CTIF: variants seen among roughly 807,000 people sequenced by gnomAD.
CTIF encodes CBP80/20-dependent translation initiation factor.
In CTIF, 21 loss-of-function variants were observed where a neutral mutation model predicts 66.0. The observed-to-expected ratio is 0.32, with a 90% confidence interval of 0.23 to 0.46. The LOEUF (loss-of-function observed/expected upper bound fraction) is 0.46. Among genes scored for constraint, CTIF ranks in the 20% least tolerant of loss-of-function variants. The pLI is 1.00. For missense variants in CTIF, 739 were observed against 812.7 expected, an observed-to-expected ratio of 0.91 and a Z score of 1.10; for synonymous variants, 345 against 326.4, an observed-to-expected ratio of 1.06 and a Z score of -0.62.
chr18:48,729,563 G>A (rs760543844), intron 7 of CTIF, among the ~76,000 whole-genome samples: 1 of 152,186 alleles, frequency 6.6e-6, no homozygotes, highest in South Asian at 2.1e-4. Flanking sequence ...TGAGATCAGC[G>A]AGACTCAGAA....
chr18:48,746,570 G>A (rs909477983), intron 7 of CTIF, among the ~76,000 whole-genome samples: 4 of 151,786 alleles, frequency 2.6e-5, no homozygotes, highest in African/African-American at 9.7e-5. Context: ...GGAGGAGTCA[G>A]GAATTAGGTG....
In CTIF at chr18:48,740,557, G is replaced by C. The variant is rs2145739897; in HGVS notation, c.585-17362G>C. Among the ~76,000 whole-genome samples, 7 of 152,362 alleles carry C rather than the reference G, an allele frequency of 4.6e-5. No individual in the cohort carries two copies. In the Middle Eastern group the frequency reaches 0.024, roughly 518 times the overall value. ...GCTCTTAGCAGAATGGTCAGGGTGA[G>C]ACTGGTGTTCCTCAGTTTACTCTGG... On this transcript the variant is annotated intron_variant, in intron 7 of 11. Coordinates refer to ENST00000256413, the MANE Select transcript of CTIF (RefSeq NM_014772.3).
intron 7 of CTIF, among the ~76,000 whole-genome samples, chr18:48,744,277 C>T (rs970224273): frequency 6.6e-6 from 1 of 152,124 alleles, no homozygotes; most frequent in African/African-American, 2.4e-5. Flanking sequence ...AGCAGGACCC[C>T]CTTGTGTCAA....
intron 1 of CTIF, among the ~76,000 whole-genome samples, chr18:48,546,931 A>G (rs555112576): frequency 6.6e-6 from 1 of 152,324 alleles, no homozygotes; most frequent in South Asian, 2.1e-4. Context: ...CATGTGGTCC[A>G]GGAGGCCCTC....
chr18:48,727,298 C>G (rs2092394703), intron 7 of CTIF, among the ~76,000 whole-genome samples: 1 of 152,186 alleles, frequency 6.6e-6, no homozygotes, highest in East Asian at 1.9e-4. Context: ...ACAAGGCTGT[C>G]TCCGCCCTCT....
intron 10 of CTIF, among the ~76,000 whole-genome samples, chr18:48,821,920 G>T (rs370601374): frequency 1.2e-4 from 19 of 152,196 alleles, no homozygotes; most frequent in East Asian, 5.8e-4. Context: ...ATGTTGTGCA[G>T]ATCTCCAGAA....
At chr18:48,856,775 T>C (rs1009178857) in intron 10 of CTIF, among the ~76,000 whole-genome samples, 2 of 152,224 alleles carry the variant, frequency 1.3e-5, no homozygotes, top group Admixed American at 1.3e-4. Flanking sequence ...GAATGGCTGC[T>C]AGTGGGTATG....
chr18:48,693,957 T>G (rs150328701), intron 6 of CTIF, among the ~76,000 whole-genome samples: 4 of 152,222 alleles, frequency 2.6e-5, no homozygotes, highest in African/African-American at 9.6e-5. Context: ...CTAACTGCAG[T>G]TTATGCGTTG....
At chr18:48,820,469 A>G (rs1262800619) in intron 10 of CTIF, among the ~76,000 whole-genome samples, 3 of 151,846 alleles carry the variant, frequency 2.0e-5, no homozygotes, top group African/African-American at 7.3e-5. Flanking sequence ...CACAGCACCC[A>G]CTTTGCCCTG....
intron 6 of CTIF, among the ~76,000 whole-genome samples, chr18:48,679,918 G>C (rs2091710160): frequency 6.6e-6 from 1 of 152,172 alleles, no homozygotes; most frequent in African/African-American, 2.4e-5. Context: ...CAGGAGAAAA[G>C]GAGGCTGTTG....
At chr18:48,852,697 G>T (rs1355539157) in intron 10 of CTIF, among the ~76,000 whole-genome samples, 1 of 151,868 alleles carries the variant, frequency 6.6e-6, no homozygotes, top group East Asian at 1.9e-4. Context: ...TGTTGGGAGA[G>T]GTCCAGGTTA....
At chr18:48,696,137 C>T (rs1309655635) in intron 6 of CTIF, among the ~76,000 whole-genome samples, 4 of 152,242 alleles carry the variant, frequency 2.6e-5, no homozygotes, top group East Asian at 3.8e-4. Flanking sequence ...GCATCTGCAA[C>T]GTGTAAGATG....
intron 6 of CTIF, among the ~76,000 whole-genome samples, chr18:48,706,428 G>A (rs2092155316): frequency 6.6e-6 from 1 of 152,138 alleles, no homozygotes. Flanking sequence ...TGGTCACAGA[G>A]CCACCCGGCA....
At chr18:48,707,154 A>G (rs545691199) in intron 6 of CTIF, among the ~76,000 whole-genome samples, 2 of 152,350 alleles carry the variant, frequency 1.3e-5, no homozygotes, top group African/African-American at 4.8e-5. Flanking sequence ...TGATGTCTAC[A>G]TGGGGCCCTT....
At position 48,689,707 on chromosome 18, in the gene CTIF, T is replaced by G. The variant is rs2091898722; in HGVS notation, c.507+18963T>G. Among the ~76,000 whole-genome samples the G allele has an allele frequency of 2.0e-5, 3 of 152,284 alleles. No homozygotes were observed. The South Asian group carries it at 6.2e-4, about 32-fold the overall frequency. On this transcript the variant is annotated intron_variant, in intron 6 of 11. Transcript: ENST00000256413. ...CGCAGATGAGCTGAATTCTCAAGGT[T>G]GTTGTGAGTCAGAGGTCACTGTACA...
intron 9 of CTIF, among the ~76,000 whole-genome samples, chr18:48,812,933 T>C (rs1213233838): frequency 6.6e-6 from 1 of 152,166 alleles, no homozygotes; most frequent in African/African-American, 2.4e-5. Context: ...CTGTGTATTC[T>C]GGTATGCTTT....
intron 1 of CTIF, among the ~76,000 whole-genome samples, chr18:48,575,781 G>A (rs925418470): frequency 2.0e-5 from 3 of 152,212 alleles, no homozygotes; most frequent in Non-Finnish European, 2.9e-5. Flanking sequence ...GGCTGTGGCC[G>A]CAACCCCAAG....
In CTIF at chr18:48,707,943, G is replaced by A. The variant is rs570871605; in HGVS notation, c.508-3676G>A. On this transcript the variant is annotated intron_variant, in intron 6 of 11. Transcript: ENST00000256413. ...CTCTGCAGATATGCCTATTATGGAC[G>A]TTTCTTAAAAACTGAAATCATGCAC... Among the ~76,000 whole-genome samples, 8 of 152,248 alleles carry A rather than the reference G, an allele frequency of 5.3e-5. No individual in the cohort carries two copies. In the South Asian group the frequency reaches 1.5e-3, roughly 28 times the overall value.
At chr18:48,577,948 C>T (rs1338927544) in intron 1 of CTIF, among the ~76,000 whole-genome samples, 1 of 152,228 alleles carries the variant, frequency 6.6e-6, no homozygotes, top group Non-Finnish European at 1.5e-5. Flanking sequence ...GACATTTCCT[C>T]ACCTTTTACG....
Sources: gnomAD v4.1 joint callset for allele counts (sites outside exome capture counted in the v4.1 genomes callset) on GRCh38, gnomAD v4.1.1 for gene constraint, MANE v1.5 for transcripts, NCBI Gene and HGNC (gene_info 2026-07-23, HGNC 2026-07-21) for gene names.